Variants in DCUN1D3 observed in about 807,000 individuals in gnomAD.
DCUN1D3 encodes the protein defective in cullin neddylation 1 domain containing 3.
A neutral mutation model predicts 24.8 loss-of-function variants in DCUN1D3; 6 were observed. That is an observed-to-expected ratio of 0.24 (90% CI 0.13 to 0.48). The LOEUF (loss-of-function observed/expected upper bound fraction) is 0.48, where lower values mean the gene tolerates loss of function less well. DCUN1D3 is among the 20% of genes least tolerant of loss of function. DCUN1D3 has a pLI of 0.99. For synonymous variants in DCUN1D3, 120 were observed against 144.9 expected (o/e 0.83, Z 1.24); for missense variants, 258 against 379.4 (o/e 0.68, Z 2.66).
chr16:20,866,180 G>C (rs959471204), intron 1 of DCUN1D3, among the ~76,000 whole-genome samples: 3 of 152,256 alleles, frequency 2.0e-5, no homozygotes, highest in Admixed American at 1.3e-4. Context: ...GCAACTGTGC[G>C]AGCTGAATTA....
intron 1 of DCUN1D3, among the ~76,000 whole-genome samples, chr16:20,898,432 A>T (rs1439022322): frequency 6.6e-6 from 1 of 152,200 alleles, no homozygotes; most frequent in Non-Finnish European, 1.5e-5. Flanking sequence ...ACCTGTGTAC[A>T]CCCAGTGCCT....
chr16:20,887,421 C>G (rs1162179501), intron 1 of DCUN1D3, among the ~76,000 whole-genome samples: 1 of 152,162 alleles, frequency 6.6e-6, no homozygotes, highest in Non-Finnish European at 1.5e-5. Context: ...TTCATTTCAG[C>G]AACACATAAA....
At chr16:20,868,381 G>C (rs2081772692) in intron 1 of DCUN1D3, among the ~76,000 whole-genome samples, 1 of 152,236 alleles carries the variant, frequency 6.6e-6, no homozygotes, top group African/African-American at 2.4e-5. Context: ...ATTTAGGAAT[G>C]GAGGAAACAG....
At chr16:20,867,898 G>A (rs909115943) in intron 1 of DCUN1D3, among the ~76,000 whole-genome samples, 6 of 152,170 alleles carry the variant, frequency 3.9e-5, no homozygotes, top group African/African-American at 1.4e-4. Flanking sequence ...ACCCAGTAAT[G>A]CTTGGAGGAT....
chr16:20,893,633 A>C (rs1453725991), intron 1 of DCUN1D3, among the ~76,000 whole-genome samples: 6 of 152,220 alleles, frequency 3.9e-5, no homozygotes, highest in Non-Finnish European at 8.8e-5. Context: ...AGTAACGTGA[A>C]ACAGAAGGAA....
At chr16:20,883,265 C>T (rs1437966815) in intron 1 of DCUN1D3, among the ~76,000 whole-genome samples, 7 of 152,168 alleles carry the variant, frequency 4.6e-5, no homozygotes, top group Non-Finnish European at 8.8e-5. Context: ...GTAATCCCAG[C>T]ACTTTGGGAG....
At chr16:20,883,588 G>A (rs184057243) in intron 1 of DCUN1D3, among the ~76,000 whole-genome samples, 243 of 152,294 alleles carry the variant, frequency 1.6e-3, no homozygotes, top group African/African-American at 5.6e-3. Context: ...TGTATCAGAA[G>A]TATTAAATAC....
At chr16:20,881,355 G>A (rs1242213159) in intron 1 of DCUN1D3, among the ~76,000 whole-genome samples, 4 of 152,096 alleles carry the variant, frequency 2.6e-5, no homozygotes, top group Non-Finnish European at 4.4e-5. Context: ...TACAATGACC[G>A]ATGAGTGTGC....
At chr16:20,893,116 G>T (rs901975325) in intron 1 of DCUN1D3, among the ~76,000 whole-genome samples, 1 of 152,030 alleles carries the variant, frequency 6.6e-6, no homozygotes, top group Non-Finnish European at 1.5e-5. Context: ...GAGAAGGCCT[G>T]ATTCTAGCCT....
intron 1 of DCUN1D3, among the ~76,000 whole-genome samples, chr16:20,893,938 A>G (rs1271192197): frequency 6.6e-6 from 1 of 152,182 alleles, no homozygotes; most frequent in East Asian, 1.9e-4. Flanking sequence ...CTGTAACCCA[A>G]CTCTGCCGCT....
chr16:20,866,393 G>A (rs1846080210), intron 1 of DCUN1D3, among the ~76,000 whole-genome samples: 2 of 152,150 alleles, frequency 1.3e-5, no homozygotes, highest in Non-Finnish European at 2.9e-5. Context: ...GGCACCCAGC[G>A]AGATAAGAGG....
chr16:20,887,058 A>AATCCCAGCACTTTGGG (rs1252365269), intron 1 of DCUN1D3, among the ~76,000 whole-genome samples: 1 of 152,252 alleles, frequency 6.6e-6, no homozygotes, highest in Admixed American at 6.5e-5. Context: ...TCACACCTGT[A>AATCCCAGCACTTTGGG]ATCCCAGCAC....
chr16:20,875,256 A>ACACACAC (rs1250817728), intron 1 of DCUN1D3, among the ~76,000 whole-genome samples: 2 of 145,272 alleles, frequency 1.4e-5, no homozygotes, highest in South Asian at 2.2e-4. Context: ...ACACACACAC[A>ACACACAC]AATGTTGCAT....
At chr16:20,892,816 G>A (rs1435949498) in intron 1 of DCUN1D3, among the ~76,000 whole-genome samples, 1 of 152,128 alleles carries the variant, frequency 6.6e-6, no homozygotes, top group Non-Finnish European at 1.5e-5. Flanking sequence ...AATGTAATAT[G>A]GTCACTTTCA....
intron 1 of DCUN1D3, among the ~76,000 whole-genome samples, chr16:20,899,266 C>CA (rs1305382002): frequency 1.3e-5 from 2 of 152,248 alleles, no homozygotes; most frequent in Admixed American, 6.5e-5. Context: ...GAAGAGCTGA[C>CA]AACATGTAAA....
chr16:20,868,437 C>T (rs79745586), intron 1 of DCUN1D3, among the ~76,000 whole-genome samples: 3,298 of 152,290 alleles, frequency 0.022, 131 homozygotes, highest in African/African-American at 0.076. Context: ...CAAGACAAAC[C>T]ATTGCCATTG....
intron 1 of DCUN1D3, among the ~76,000 whole-genome samples, chr16:20,867,190 T>A (rs1269814528): frequency 6.6e-6 from 1 of 152,154 alleles, no homozygotes; most frequent in East Asian, 1.9e-4. Flanking sequence ...TGGCTCAAGA[T>A]ACCATGACAT....
rs1457827809 is a variant in DCUN1D3, at chr16:20,900,329, T to A, written c.-231A>T. ...TACCCCCGCCGCCGCCGCCTCTTCT[T>A]CCACCACTGCCACCGCCTCCTCTTC... On this transcript the variant is annotated 5_prime_UTR_variant, in exon 1 of 3. The change creates a premature stop within an existing upstream ORF in the 5' untranslated region. Coordinates refer to ENST00000324344, the MANE Select transcript of DCUN1D3 (RefSeq NM_173475.4). The A allele has an allele frequency of 6.6e-6, 1 of 151,454 alleles. No individual in the cohort carries two copies. Among genetic ancestry groups the A allele is most frequent in the Non-Finnish European group, 1.5e-5 (1 of 67,954 alleles). 9.4% of individuals were successfully genotyped at this position (151,454 alleles called of 1,614,324 possible). A position where few individuals can be genotyped will look rare whatever the true frequency, so the allele number is the denominator to read the frequency against.
chr16:20,868,557 G>C (rs1375045885), intron 1 of DCUN1D3, among the ~76,000 whole-genome samples: 1 of 152,200 alleles, frequency 6.6e-6, no homozygotes, highest in Non-Finnish European at 1.5e-5. Flanking sequence ...TAAATGCTCT[G>C]CTCAATACCT....
Sources: gnomAD v4.1 joint callset for allele counts (sites outside exome capture counted in the v4.1 genomes callset) on GRCh38, gnomAD v4.1.1 for gene constraint, MANE v1.5 for transcripts, NCBI Gene and HGNC (gene_info 2026-07-23, HGNC 2026-07-21) for gene names.